Variants in ADGRF4 observed in about 807,000 individuals in gnomAD.
The protein encoded by ADGRF4 is adhesion G protein-coupled receptor F4.
A neutral mutation model predicts 58.5 loss-of-function variants in ADGRF4; 63 were observed. The ratio of observed to expected loss-of-function variants is 1.08; its 90% CI spans 0.88 to 1.33. The LOEUF is 1.33. ADGRF4 is among the 40% of genes most tolerant of loss of function. The pLI, the probability that ADGRF4 is intolerant of heterozygous loss-of-function variation, is 0.00. For synonymous variants in ADGRF4, 313 were observed against 295.4 expected (o/e 1.06, Z -0.61); for missense variants, 931 against 843.9 (o/e 1.10, Z -1.28).
In ADGRF4 at chr6:47,713,814, C is replaced by T. The variant is rs1771929992; in HGVS notation, c.569C>T (p.Ala190Val). ...CCATTGCAGAGCTATAGTGAAGTGGCCAACCACATCCTCGACACAGCAGCC... is the reference window on the plus strand; with the variant it reads ...CCATTGCAGAGCTATAGTGAAGTGGTCAACCACATCCTCGACACAGCAGCC... Reference protein sequence around the residue: ...REKMKSYSEVANHILDTAAIS... With the variant: ...REKMKSYSEVVNHILDTAAIS... Residue 190 changes from alanine to valine, a missense_variant, in exon 6 of 10, where the codon GCC (alanine) becomes GTC (valine). Ala to Val is a moderately conservative substitution (Grantham distance 64). Coordinates refer to ENST00000283303, the MANE Select transcript of ADGRF4 (RefSeq NM_153838.5). 4 of 1,553,938 alleles carry T rather than the reference C, an allele frequency of 2.6e-6. No homozygotes were observed. Among genetic ancestry groups the T allele is most frequent in the Non-Finnish European group, 3.5e-6 (4 of 1,151,874 alleles).
chr6:47,718,555 G>C (rs1371671584), intron 9 of ADGRF4, 110 bp downstream of exon 9: 11 of 716,494 alleles, frequency 1.5e-5, no homozygotes, highest in South Asian at 1.4e-4. Flanking sequence ...TGAGGTGGGA[G>C]GGGAAGAGGG....
At chr6:47,703,936 A>G (rs1359820337) in intron 1 of ADGRF4, among the ~76,000 whole-genome samples, 1 of 152,214 alleles carries the variant, frequency 6.6e-6, no homozygotes, top group African/African-American at 2.4e-5. Context: ...ATGACATCAC[A>G]TCATTATGCC....
rs764964591 is a variant in ADGRF4 at position 47,714,382 on chromosome 6, C to G, written c.1137C>G (p.Asn379Lys). ...DIRNEVKCRC[N>K]YTSVVMSFSI... The stretch of plus-strand genomic sequence containing the variant: ...GGAACGAAGTGAAATGCCGCTGTAA[C>G]TACACCAGTGTGGTGATGTCTTTTT... Residue 379 changes from asparagine to lysine, a missense_variant, in exon 6 of 10, where the codon AAC (asparagine) becomes AAG (lysine). Physicochemically the swap from Asn to Lys is moderately conservative, Grantham distance 94 (BLOSUM62 0). Transcript: ENST00000283303. 2 of 1,614,044 alleles carry G rather than the reference C, an allele frequency of 1.2e-6. No individual in the cohort carries two copies. The highest frequency in any genetic ancestry group is 1.7e-6 in the Non-Finnish European group (2 of 1,180,032).
intron 8 of ADGRF4, among the ~76,000 whole-genome samples, chr6:47,717,689 C>T (rs185077511): frequency 6.6e-6 from 1 of 152,322 alleles, no homozygotes; most frequent in East Asian, 1.9e-4. Context: ...TAGTCCAACC[C>T]ATTCATTTTA....
chr6:47,698,594 G>A lies in ADGRF4; in HGVS notation c.-217G>A, dbSNP rs1353791359. 2.6e-5 allele frequency: 4 copies of A among 152,176 alleles called. No homozygotes were observed. The highest frequency in any genetic ancestry group is 4.4e-5 in the Non-Finnish European group (3 of 68,048). 9.4% of individuals were successfully genotyped at this position (152,176 alleles called of 1,614,324 possible). ...TGGGTAACTTTACAGTTCTCAGATC[G>A]GCTTCTCGCAACAGGCAGTCAGTTC... is the stretch of plus-strand genomic sequence containing the variant. On this transcript the variant is annotated 5_prime_UTR_variant, in exon 1 of 10. Coordinates refer to ENST00000283303, the MANE Select transcript of ADGRF4 (RefSeq NM_153838.5).
At chr6:47,715,420 T>G (rs1046355901) in intron 6 of ADGRF4, 1 of 400,460 alleles carries the variant, frequency 2.5e-6, no homozygotes, top group Non-Finnish European at 4.5e-6. Flanking sequence ...AAAGTTTCAA[T>G]GTTAGAAGAA....
rs1196903014 is a variant in ADGRF4, at chr6:47,712,627, T to A, written c.552+19T>A. On this transcript the variant is annotated intron_variant, in intron 5 of 9. Coordinates refer to ENST00000283303, the MANE Select transcript of ADGRF4 (RefSeq NM_153838.5). ...AATGAAGGTATTCTTTGTTAATCAT[T>A]TAAAAATGATGTTTTTCTTAAAATT... is the stretch of plus-strand genomic sequence containing the variant. 1 of 1,549,184 alleles carries A rather than the reference T, an allele frequency of 6.5e-7. No homozygotes were observed. Among genetic ancestry groups the A allele is most frequent in the Admixed American group, 1.7e-5 (1 of 58,266 alleles).
In ADGRF4 at chr6:47,713,974, A is replaced by G; in HGVS notation, c.729A>G (p.Lys243=). Residue 243 remains lysine, a synonymous_variant, in exon 6 of 10, where the codon AAA becomes AAG. Coordinates refer to ENST00000283303, the MANE Select transcript of ADGRF4 (RefSeq NM_153838.5). ...TGAATGAACTCTTCATTCAGACAAA[A>G]GGGTTTCACATCAACCATAATACCT... is the stretch of plus-strand genomic sequence containing the variant. The part of the protein sequence containing the change: ...NIVNELFIQT[K]GFHINHNTSE... 1 of 1,604,366 alleles carries G rather than the reference A, an allele frequency of 6.2e-7. No individual in the cohort carries two copies. Among genetic ancestry groups the G allele is most frequent in the Non-Finnish European group, 8.5e-7 (1 of 1,175,254 alleles).
rs1201764819 is a variant in ADGRF4 at position 47,721,634 on chromosome 6, G to A, written c.*429G>A. The A allele has an allele frequency of 1.3e-5, 2 of 152,204 alleles. No homozygotes were observed. The highest frequency in any genetic ancestry group is 1.3e-4 in the Admixed American group (2 of 15,274). 9.4% of individuals were successfully genotyped at this position (152,204 alleles called of 1,614,324 possible). On this transcript the variant is annotated 3_prime_UTR_variant, in exon 10 of 10. Coordinates refer to ENST00000283303, the MANE Select transcript of ADGRF4 (RefSeq NM_153838.5). ...GTGGATCCTGGGTACTTTGGACAGT[G>A]AGGGTTCGATCCAATTTTAGGGGTA... is the stretch of plus-strand genomic sequence containing the variant.
At position 47,712,550 on chromosome 6, in the gene ADGRF4, A is replaced by G. The variant is rs752538962; in HGVS notation, c.494A>G (p.Glu165Gly). The change falls in exon 5 of 10, where the codon GAG (glutamate) becomes GGG (glycine). Residue 165 changes from glutamate to glycine, a missense_variant. Coordinates refer to ENST00000283303, the MANE Select transcript of ADGRF4 (RefSeq NM_153838.5). ...TCTGGAAATATTGCATTTATAGTGG[A>G]GTTATTAAAAAATATTTCTACAGAC... ...TTSGNIAFIV[E>G]LLKNISTDLS... 1.0e-5 allele frequency: 16 copies of G among 1,603,786 alleles called. No individual in the cohort carries two copies. Among genetic ancestry groups the G allele is most frequent in the Middle Eastern group, 3.3e-4 (2 of 6,044 alleles).
At chr6:47,718,593 T>G in intron 9 of ADGRF4, 148 bp downstream of exon 9, 2 of 651,954 alleles carry the variant, frequency 3.1e-6, no homozygotes, top group Non-Finnish European at 5.6e-6. Flanking sequence ...AATGGAAACA[T>G]CTTTATTGTC....
intron 2 of ADGRF4, 124 bp downstream of exon 2, chr6:47,707,462 C>G (rs987693601): frequency 1.5e-6 from 1 of 672,228 alleles, no homozygotes; most frequent in African/African-American, 1.8e-5. Context: ...TTTACTCTTG[C>G]TGATAGTAAC....
At position 47,715,101 on chromosome 6, in the gene ADGRF4, G is replaced by A. The variant is rs770362935; in HGVS notation, c.1856G>A (p.Gly619Asp). Residue 619 changes from glycine to aspartate, a missense_variant, in exon 6 of 10, where the codon GGT becomes GAT. Gly to Asp is a moderately conservative substitution (Grantham distance 94). Transcript: ENST00000283303. Reference protein sequence around the residue: ...ILTPLLGLTWGFGIATLIEGT... With the variant: ...ILTPLLGLTWDFGIATLIEGT... Reference sequence around the variant, plus strand: ...ACTCCACTGCTGGGACTGACCTGGGGTTTTGGAATAGCCACTCTCATAGAA... The same window carrying A: ...ACTCCACTGCTGGGACTGACCTGGGATTTTGGAATAGCCACTCTCATAGAA... The A allele has an allele frequency of 6.2e-7, 1 of 1,608,430 alleles. No homozygotes were observed. Among genetic ancestry groups the A allele is most frequent in the South Asian group, 1.1e-5 (1 of 91,004 alleles).
intron 3 of ADGRF4, 38 bp downstream of exon 3, chr6:47,708,316 C>T (rs1291456167): frequency 1.3e-6 from 2 of 1,515,230 alleles, no homozygotes; most frequent in Non-Finnish European, 1.8e-6. Flanking sequence ...CATTTGAAGA[C>T]AGGGAAGAAT....
chr6:47,717,469 A>G, intron 8 of ADGRF4, 118 bp downstream of exon 8: 2 of 740,060 alleles, frequency 2.7e-6, no homozygotes, highest in South Asian at 1.4e-5. Context: ...AATAAAGCGT[A>G]CTTCATTCAT....
intron 9 of ADGRF4, among the ~76,000 whole-genome samples, chr6:47,720,462 C>T (rs1435977935): frequency 3.3e-5 from 5 of 152,184 alleles, no homozygotes; most frequent in Non-Finnish European, 7.3e-5. Context: ...GGACACTCCT[C>T]ATATCCCAAT....
At position 47,712,553 on chromosome 6, in the gene ADGRF4, TA is replaced by T; in HGVS notation, c.498del (p.Leu166PhefsTer2). 6 of 1,597,664 alleles carry T rather than the reference TA, an allele frequency of 3.8e-6. No homozygotes were observed. The highest frequency in any genetic ancestry group is 5.2e-6 in the Non-Finnish European group (6 of 1,164,894). ...TSGNIAFIVE[L>X]LKNISTDLSD... is the part of the protein sequence containing the mutation. ...GGAAATATTGCATTTATAGTGGAGTTATTAAAAAATATTTCTACAGACTTGT... is the reference window on the plus strand; with the variant it reads ...GGAAATATTGCATTTATAGTGGAGTTTTAAAAAATATTTCTACAGACTTGT... On this transcript the variant is annotated frameshift_variant, in exon 5 of 10. Transcript: ENST00000283303. LOFTEE classifies it high-confidence loss of function.
intron 8 of ADGRF4, among the ~76,000 whole-genome samples, 187 bp from the exon 9 acceptor site, chr6:47,718,202 A>G (rs1290998924): frequency 6.6e-6 from 1 of 152,196 alleles, no homozygotes; most frequent in Non-Finnish European, 1.5e-5. Context: ...TTTTTAGCAG[A>G]ACATAAAAAT....
rs561203681 is a variant in ADGRF4, at chr6:47,714,373, C to T, written c.1128C>T (p.Cys376=). The change falls in exon 6 of 10, where the codon TGC becomes TGT. Residue 376 remains cysteine (C), a synonymous_variant. Transcript: ENST00000283303. The part of the protein sequence containing the change: ...MMLDIRNEVK[C]RCNYTSVVMS... ...TGGATATCAGGAACGAAGTGAAATG[C>T]CGCTGTAACTACACCAGTGTGGTGA... 6.2e-6 allele frequency: 10 copies of T among 1,614,080 alleles called. No individual in the cohort carries two copies. The Admixed American group carries it at 8.3e-5, about 13-fold the overall frequency.
Sources: allele counts gnomAD v4.1 joint callset (sites outside exome capture counted in the v4.1 genomes callset), GRCh38; gene constraint gnomAD v4.1.1; transcripts MANE v1.5; gene names NCBI Gene and HGNC (gene_info 2026-07-23, HGNC 2026-07-21).